Variants in MS4A18 observed in about 807,000 individuals in gnomAD.
MS4A18 encodes the protein membrane spanning 4-domains A18.
MS4A18 carries 27 observed loss-of-function variants against 13.1 expected under a neutral mutation model. That is an observed-to-expected ratio of 2.06 (90% CI 1.52 to 2.84). MS4A18 has a LOEUF of 2.84. MS4A18 is among the 30% of genes most tolerant of loss of function. MS4A18 has a pLI of 0.00. For synonymous variants in MS4A18, 126 were observed against 76.5 expected (o/e 1.65, Z -3.38); for missense variants, 307 against 196.4 (o/e 1.56, Z -3.37).
intron 3 of MS4A18, among the ~76,000 whole-genome samples, chr11:60,738,098 T>A (rs1313730764): frequency 6.6e-6 from 1 of 152,240 alleles, no homozygotes; most frequent in Non-Finnish European, 1.5e-5. Context: ...AACTTCCGTT[T>A]CTACTTTATA....
At chr11:60,727,606 G>A (rs1485280075), upstream of MS4A18, among the ~76,000 whole-genome samples, 1 of 152,166 alleles carries the variant, frequency 6.6e-6, no homozygotes, top group Non-Finnish European at 1.5e-5. Flanking sequence ...GTGATTTAGT[G>A]AGGACAGAAA....
chr11:60,729,349 C>T (rs1853214149), exon 1 of MS4A18: 4 of 702,780 alleles, frequency 5.7e-6, no homozygotes, highest in Non-Finnish European at 1.0e-5. Context: ...CAACAGTGTA[C>T]CTGGCATTAT....
chr11:60,735,629 G>A (rs924758592), intron 2 of MS4A18, among the ~76,000 whole-genome samples: 16 of 147,512 alleles, frequency 1.1e-4, no homozygotes, highest in African/African-American at 2.0e-4. Flanking sequence ...GAGCCACGGC[G>A]GCTGGCCGAT....
chr11:60,731,162 A>G (rs1268129319), intron 1 of MS4A18, among the ~76,000 whole-genome samples: 2 of 152,210 alleles, frequency 1.3e-5, no homozygotes, highest in African/African-American at 2.4e-5. Context: ...TGTGTGCGGA[A>G]ATCCTCCAAA....
chr11:60,729,311 A>G, exon 1 of MS4A18: 1 of 701,104 alleles, frequency 1.4e-6, no homozygotes, highest in Non-Finnish European at 2.6e-6. Flanking sequence ...CAGCAGTTGT[A>G]CACCATGACC....
chr11:60,733,518 C>T lies in MS4A18; in HGVS notation c.478-16C>T. On this transcript the variant is annotated splice_polypyrimidine_tract_variant and intron_variant, in intron 1 of 5. Coordinates refer to ENST00000529108, the Ensembl canonical transcript of MS4A18. ...CCGCAGTTCTGCTCTCTCACAGTGA[C>T]TTGTTCTCCCTGCAGGCCATCCAGA... 1.4e-6 allele frequency: 1 copy of T among 703,196 alleles called. No homozygotes were observed. Among genetic ancestry groups the T allele is most frequent in the Non-Finnish European group, 2.6e-6 (1 of 385,030 alleles). The allele number at this position is 703,196 out of a possible 1,614,324, so 43.6% of individuals were successfully genotyped here.
At chr11:60,732,690 C>G (rs971911694) in intron 1 of MS4A18, among the ~76,000 whole-genome samples, 12 of 143,808 alleles carry the variant, frequency 8.3e-5, no homozygotes, top group Non-Finnish European at 1.5e-4. Context: ...AAGATCACGC[C>G]ATTGCACTCC....
At chr11:60,726,366 T>C (rs138809554), upstream of MS4A18, among the ~76,000 whole-genome samples, 442 of 152,326 alleles carry the variant, frequency 2.9e-3, 4 homozygotes, top group African/African-American at 0.01. Flanking sequence ...TGAAGCTTTA[T>C]ATAACCAATA....
intron 5 of MS4A18, among the ~76,000 whole-genome samples, chr11:60,741,700 G>A (rs1217974497): frequency 6.6e-6 from 1 of 152,036 alleles, no homozygotes; most frequent in Non-Finnish European, 1.5e-5. Flanking sequence ...TGAATATAAG[G>A]ATTTGTAACC....
downstream of MS4A18, chr11:60,744,281 T>G (rs140081983): frequency 8.2e-5 from 30 of 365,520 alleles, no homozygotes; most frequent in African/African-American, 6.0e-4. Flanking sequence ...TGATGTATGC[T>G]CACTGTTGAA....
chr11:60,738,087 C>T (rs573840003), intron 3 of MS4A18, among the ~76,000 whole-genome samples: 2 of 152,342 alleles, frequency 1.3e-5, no homozygotes, highest in African/African-American at 4.8e-5. Context: ...ATTGAAATCT[C>T]AACTTCCGTT....
chr11:60,741,640 A>C (rs1853416337), intron 5 of MS4A18, among the ~76,000 whole-genome samples: 1 of 152,216 alleles, frequency 6.6e-6, no homozygotes, highest in South Asian at 2.1e-4. Flanking sequence ...GTGGAGCAAC[A>C]GCTCTACCTC....
chr11:60,729,257 T>C (rs1590961189), upstream of MS4A18: 2 of 664,968 alleles, frequency 3.0e-6, no homozygotes, highest in East Asian at 2.7e-5. Flanking sequence ...AGATGCATTA[T>C]TCATTTTGTC....
chr11:60,735,661 C>CTTTTTTTTTTTTTT (rs1167113182), intron 2 of MS4A18, among the ~76,000 whole-genome samples: 13 of 90,112 alleles, frequency 1.4e-4, no homozygotes, highest in African/African-American at 6.0e-4. Context: ...CATTCCCTTG[C>CTTTTTTTTTTTTTT]TTTTTTTTTT....
At chr11:60,729,883 G>A (rs1304702548) in intron 1 of MS4A18, 97 bp downstream of exon 2, 2 of 616,366 alleles carry the variant, frequency 3.2e-6, no homozygotes, top group Non-Finnish European at 2.9e-6. Context: ...GAGGGTAAAG[G>A]GGAGGTGGAG....
intron 1 of MS4A18, among the ~76,000 whole-genome samples, chr11:60,732,515 G>T (rs1281263961): frequency 6.6e-6 from 1 of 151,904 alleles, no homozygotes; most frequent in South Asian, 2.1e-4. Flanking sequence ...GGTTCACGAG[G>T]TCAGGAGATC....
At chr11:60,738,265 C>G (rs1019855991) in intron 3 of MS4A18, among the ~76,000 whole-genome samples, 1 of 152,124 alleles carries the variant, frequency 6.6e-6, no homozygotes, top group Non-Finnish European at 1.5e-5. Context: ...CAGCACTGAG[C>G]GGCAGACCCC....
intron 1 of MS4A18, 32 bp downstream of exon 2, chr11:60,729,818 G>A: frequency 1.5e-6 from 1 of 670,776 alleles, no homozygotes. Flanking sequence ...CTCCGATTTG[G>A]GTCACTTCAT....
At chr11:60,735,990 T>C (rs1853334025) in intron 2 of MS4A18, among the ~76,000 whole-genome samples, 1 of 152,150 alleles carries the variant, frequency 6.6e-6, no homozygotes, top group South Asian at 2.1e-4. Flanking sequence ...GGTCCGATCA[T>C]ATTTACCTAT....
Sources: allele counts gnomAD v4.1 joint callset (sites outside exome capture counted in the v4.1 genomes callset), GRCh38; gene constraint gnomAD v4.1.1; transcripts MANE v1.5; gene names NCBI Gene and HGNC (gene_info 2026-07-23, HGNC 2026-07-21).